The following SRRM3 variants were observed in gnomAD, a reference collection of about 807,000 sequenced individuals.
SRRM3 encodes the protein serine/arginine repetitive matrix 3.
Under a neutral mutation model 66.2 loss-of-function variants are expected in SRRM3, and 27 were observed. The observed-to-expected ratio is 0.41, with a 90% CI of 0.30 to 0.56. SRRM3 has a LOEUF of 0.56. SRRM3 is among the 20% of genes least tolerant of loss of function. The pLI, the probability that SRRM3 is intolerant of heterozygous loss-of-function variation, is 0.32. For synonymous variants in SRRM3, 391 were observed against 414.9 expected (o/e 0.94, Z 0.70); for missense variants, 918 against 991.9 (o/e 0.93, Z 1.00).
At chr7:76,283,218 T>C in intron 14 of SRRM3, 117 bp downstream of exon 14, 1 of 848,992 alleles carries the variant, frequency 1.2e-6, no homozygotes, top group Non-Finnish European at 1.5e-6. Flanking sequence ...GGCACGGGGA[T>C]GGGGGGGGGT....
At chr7:76,237,524 A>G (rs947933543) in intron 2 of SRRM3, among the ~76,000 whole-genome samples, 7 of 152,162 alleles carry the variant, frequency 4.6e-5, no homozygotes, top group Non-Finnish European at 1.5e-5. Context: ...GCAGTGAGCC[A>G]AGATTGCGCC....
intron 1 of SRRM3, among the ~76,000 whole-genome samples, chr7:76,212,687 T>G (rs1205864876): frequency 1.3e-5 from 2 of 151,952 alleles, no homozygotes; most frequent in Non-Finnish European, 2.9e-5. Context: ...CAGGTTGTTC[T>G]CAAACTCCTG....
intron 3 of SRRM3, among the ~76,000 whole-genome samples, chr7:76,259,051 A>G (rs1583917494): frequency 6.6e-6 from 1 of 151,808 alleles, no homozygotes; most frequent in Middle Eastern, 3.4e-3. Context: ...GGGCCCCTGC[A>G]CTCCAGCCAG....
At chr7:76,230,442 G>C (rs1800985699) in intron 1 of SRRM3, among the ~76,000 whole-genome samples, 1 of 152,056 alleles carries the variant, frequency 6.6e-6, no homozygotes, top group South Asian at 2.1e-4. Flanking sequence ...TTGAGCCCAG[G>C]AGCTTGAGAG....
At chr7:76,258,477 G>A (rs1190876179) in intron 3 of SRRM3, among the ~76,000 whole-genome samples, 2 of 151,960 alleles carry the variant, frequency 1.3e-5, no homozygotes, top group Admixed American at 6.6e-5. Context: ...CACGTTGGGA[G>A]GCCAAGGTGG....
chr7:76,212,416 C>A (rs1159951879), intron 1 of SRRM3, among the ~76,000 whole-genome samples: 1 of 151,074 alleles, frequency 6.6e-6, no homozygotes, highest in Non-Finnish European at 1.5e-5. Flanking sequence ...CTCGGCCTCC[C>A]AAAGTGCTGG....
In SRRM3 at chr7:76,285,574, G is replaced by T. The variant is rs1554612624; in HGVS notation, c.1734-41G>T. 1 of 1,512,328 alleles carries T rather than the reference G, an allele frequency of 6.6e-7. No individual in the cohort carries two copies. The highest frequency in any genetic ancestry group is 2.0e-5 in the Admixed American group (1 of 50,094). The allele number at this position is 1,512,328 out of a possible 1,614,324, so 93.7% of individuals were successfully genotyped here. On this transcript the variant is annotated intron_variant, in intron 14 of 14. Coordinates refer to ENST00000611745, the MANE Select transcript of SRRM3 (RefSeq NM_001110199.3). This position sits in a 1 kb window ranked among gnomAD's most constrained non-coding sequence, Gnocchi z 4.1. ...CTGGCCGCTGCTGGGATGGGGCTCG[G>T]GGCCTGGGATGGCCTGTAATCAGCT...
At chr7:76,208,493 A>T (rs528413859) in intron 1 of SRRM3, among the ~76,000 whole-genome samples, 2 of 141,894 alleles carry the variant, frequency 1.4e-5, no homozygotes, top group African/African-American at 5.4e-5. Flanking sequence ...ACATAATAAG[A>T]CCCTATCTCT....
intron 11 of SRRM3, among the ~76,000 whole-genome samples, chr7:76,274,502 G>A (rs889061709): frequency 4.6e-5 from 7 of 152,182 alleles, no homozygotes; most frequent in African/African-American, 1.4e-4. Context: ...TTACCTGCCC[G>A]CTGCCTGGTC....
Position 76,259,980 on chromosome 7 carries a change from G to T in SRRM3, c.410G>T (p.Gly137Val), listed in dbSNP as rs1421087459. 1.9e-6 allele frequency: 3 copies of T among 1,599,272 alleles called. No individual in the cohort carries two copies. Among genetic ancestry groups the T allele is most frequent in the African/African-American group, 1.3e-5 (1 of 74,794 alleles). The stretch of plus-strand genomic sequence containing the variant: ...TACGCGCCCTTTGACGATGACGACG[G>T]CCCAGTGGACTGTGACTGCCCGGCC... The part of the protein sequence containing the change: ...LEYAPFDDDD[G>V]PVDCDCPASC... The change falls in exon 4 of 15, where the codon GGC becomes GTC. Residue 137 changes from glycine (G) to valine (V), a missense_variant. Physicochemically the swap from Gly to Val is moderately radical, Grantham distance 109. Coordinates refer to ENST00000611745, the MANE Select transcript of SRRM3 (RefSeq NM_001110199.3).
chr7:76,249,318 G>A (rs782490513), intron 3 of SRRM3, among the ~76,000 whole-genome samples: 26 of 151,734 alleles, frequency 1.7e-4, no homozygotes, highest in Non-Finnish European at 2.9e-4. Flanking sequence ...CCTGGAAGGC[G>A]GAGGTTGCAG....
chr7:76,225,012 C>G (rs1800821433), intron 1 of SRRM3, among the ~76,000 whole-genome samples: 1 of 152,136 alleles, frequency 6.6e-6, no homozygotes, highest in Non-Finnish European at 1.5e-5. Context: ...TCGCCCCGGT[C>G]TATTACCGAA....
intron 9 of SRRM3, among the ~76,000 whole-genome samples, chr7:76,265,138 G>C (rs1472226727): frequency 6.6e-6 from 1 of 152,096 alleles, no homozygotes; most frequent in Admixed American, 6.6e-5. Flanking sequence ...AGAGAAAAGG[G>C]GGCCTTTTAC....
chr7:76,269,082 C>T (rs1373224861), intron 11 of SRRM3: 1 of 152,350 alleles, frequency 6.6e-6, no homozygotes, highest in Non-Finnish European at 1.5e-5. Context: ...CACCTCCACC[C>T]CCTCCCCAAT....
intron 6 of SRRM3, 107 bp downstream of exon 6, chr7:76,261,010 C>A (rs1801849242): frequency 2.5e-6 from 3 of 1,196,664 alleles, no homozygotes; most frequent in Admixed American, 2.5e-5. Context: ...TCAGGGCCTG[C>A]ACCTGGACAC....
At position 76,222,305 on chromosome 7, in the gene SRRM3, T is replaced by C. The variant is rs557351033; in HGVS notation, c.-39-12723T>C. Among the ~76,000 whole-genome samples, 454 of 151,886 alleles carry C rather than the reference T, an allele frequency of 3.0e-3. 5 individuals are homozygous for C. Among genetic ancestry groups the C allele is most frequent in the African/African-American group, 0.01 (427 of 41,400 alleles). The stretch of plus-strand genomic sequence containing the variant: ...CCTGTGTGTAGTAGTGGCCAGCTAC[T>C]TGGGAGGCTGAGGTGGGAGGATCAC... On this transcript the variant is annotated intron_variant, in intron 1 of 14. Coordinates refer to ENST00000611745, the MANE Select transcript of SRRM3 (RefSeq NM_001110199.3).
intron 1 of SRRM3, among the ~76,000 whole-genome samples, chr7:76,217,699 G>A (rs1350760657): frequency 6.6e-6 from 1 of 152,186 alleles, no homozygotes; most frequent in Non-Finnish European, 1.5e-5. Context: ...GGCAGGAGGG[G>A]TCTAGGCAGT....
intron 3 of SRRM3, among the ~76,000 whole-genome samples, chr7:76,251,755 C>A (rs1171147744): frequency 1.3e-5 from 2 of 151,958 alleles, no homozygotes; most frequent in Non-Finnish European, 2.9e-5. Context: ...CAGAGCAAGA[C>A]CCCCATCTCT....
chr7:76,257,370 G>T (rs1801737434), intron 3 of SRRM3, among the ~76,000 whole-genome samples: 1 of 150,346 alleles, frequency 6.7e-6, no homozygotes, highest in African/African-American at 2.5e-5. Flanking sequence ...AGCCAGCTTG[G>T]ATAAAAAATG....
Sources: gnomAD v4.1 joint callset for allele counts (sites outside exome capture counted in the v4.1 genomes callset) on GRCh38, gnomAD v4.1.1 for gene constraint, Gnocchi (gnomAD v3.1) non-coding constraint, MANE v1.5 for transcripts, NCBI Gene and HGNC (gene_info 2026-07-23, HGNC 2026-07-21) for gene names.